Variants in LANCL1 observed in about 807,000 individuals in gnomAD.
The protein encoded by LANCL1 is LanC like glutathione S-transferase 1.
In LANCL1, 50 loss-of-function variants were observed where a neutral mutation model predicts 50.6. The observed-to-expected ratio is 0.99, with a 90% confidence interval of 0.79 to 1.25. LANCL1 has a LOEUF of 1.25. Ranked by LOEUF, LANCL1 falls within the 50% of genes most tolerant of loss-of-function variation. The probability of loss-of-function intolerance (pLI) is 0.00; values close to 1 mark genes in which losing one functional copy is unlikely to be tolerated. For synonymous variants in LANCL1, 188 were observed against 178.6 expected (o/e 1.05, Z -0.42); for missense variants, 532 against 480.7 (o/e 1.11, Z -1.00).
At chr2:210,437,195 T>C (rs1692962422) in intron 7 of LANCL1, among the ~76,000 whole-genome samples, 1 of 152,240 alleles carries the variant, frequency 6.6e-6, no homozygotes, top group South Asian at 2.1e-4. Context: ...TTTGTCCTTT[T>C]ATATCTATTT....
At chr2:210,459,489 A>C (rs184837268) in intron 3 of LANCL1, among the ~76,000 whole-genome samples, 1 of 152,310 alleles carries the variant, frequency 6.6e-6, no homozygotes, top group African/African-American at 2.4e-5. Context: ...AAGTTAATTA[A>C]AAGTAAACAC....
chr2:210,476,322 G>A lies in LANCL1; in HGVS notation c.75C>T (p.Ala25=), dbSNP rs1301374630. The A allele has an allele frequency of 1.2e-6, 2 of 1,612,608 alleles. No individual in the cohort carries two copies. Among genetic ancestry groups the A allele is most frequent in the South Asian group, 2.2e-5 (2 of 91,036 alleles). Residue 25 remains alanine (A), a synonymous_variant, in exon 2 of 10, where the codon GCC becomes GCT. Coordinates refer to ENST00000450366, the MANE Select transcript of LANCL1 (RefSeq NM_006055.3). ...AGACATATCCTAAACTCACCCTCCC[G>A]GCAGCATCAAAGTAGCCTTCGGCCA... The part of the protein sequence containing the change: ...KSLAEGYFDA[A]GRLTPEFSQR...
At position 210,432,912 on chromosome 2, in the gene LANCL1, C is replaced by T. The variant is rs1192001414; in HGVS notation, c.*1575G>A. 4 of 152,590 alleles carry T rather than the reference C, an allele frequency of 2.6e-5. No homozygotes were observed. The highest frequency in any genetic ancestry group is 4.4e-5 in the Non-Finnish European group (3 of 68,038). 9.5% of individuals were successfully genotyped at this position (152,590 alleles called of 1,614,324 possible). On this transcript the variant is annotated 3_prime_UTR_variant, in exon 10 of 10. Transcript: ENST00000450366. ...CTGATCCTGGAAACTGAGCAGTGGGCTGCTTTTTAAATCCTACTGCCAGTG... is the reference window on the plus strand; with the variant it reads ...CTGATCCTGGAAACTGAGCAGTGGGTTGCTTTTTAAATCCTACTGCCAGTG...
intron 6 of LANCL1, among the ~76,000 whole-genome samples, chr2:210,440,122 A>G (rs969618591): frequency 1.3e-5 from 2 of 152,224 alleles, no homozygotes; most frequent in Non-Finnish European, 2.9e-5. Context: ...GCTGTTTTTC[A>G]GGTAAGTAGA....
At chr2:210,453,773 T>A (rs1693578690) in intron 4 of LANCL1, among the ~76,000 whole-genome samples, 1 of 152,080 alleles carries the variant, frequency 6.6e-6, no homozygotes, top group Non-Finnish European at 1.5e-5. Flanking sequence ...TTTAGGTGAG[T>A]ATGGAACAGT....
rs775329416 is a variant in LANCL1, at chr2:210,441,480, G to A, written c.408-37C>T. ...AATACATGCCCCAAATAATTTGAAA[G>A]GAACCAGGTATTGGTGTATACTTAA... On this transcript the variant is annotated intron_variant, in intron 4 of 9. Transcript: ENST00000450366. 16 of 1,572,936 alleles carry A rather than the reference G, an allele frequency of 1.0e-5. No homozygotes were observed. The South Asian group carries it at 1.4e-4, about 14-fold the overall frequency.
chr2:210,445,302 T>C (rs979268340), intron 4 of LANCL1, among the ~76,000 whole-genome samples: 6 of 152,220 alleles, frequency 3.9e-5, no homozygotes, highest in African/African-American at 9.6e-5. Context: ...TGTTAGGACA[T>C]ACATTACCAC....
At chr2:210,438,042 T>C (rs1339239869) in intron 6 of LANCL1, among the ~76,000 whole-genome samples, 170 bp from the exon 7 acceptor site, 5 of 152,194 alleles carry the variant, frequency 3.3e-5, no homozygotes, top group Non-Finnish European at 5.9e-5. Context: ...TTTAAGCTTT[T>C]GTGATTTCAT....
chr2:210,451,366 T>C (rs1324978069), intron 4 of LANCL1, among the ~76,000 whole-genome samples: 1 of 152,068 alleles, frequency 6.6e-6, no homozygotes, highest in Non-Finnish European at 1.5e-5. Flanking sequence ...GATAAATACT[T>C]AATGTAGATG....
chr2:210,477,294 C>A (rs1264835058), upstream of LANCL1, among the ~76,000 whole-genome samples: 1 of 152,164 alleles, frequency 6.6e-6, no homozygotes, highest in Non-Finnish European at 1.5e-5. Flanking sequence ...GAAATTTATT[C>A]TGTTCCTTAG....
At chr2:210,440,341 T>TG (rs1693088098) in intron 6 of LANCL1, among the ~76,000 whole-genome samples, 1 of 152,232 alleles carries the variant, frequency 6.6e-6, no homozygotes, top group Non-Finnish European at 1.5e-5. Flanking sequence ...TCTGCACAAG[T>TG]GGCACTAAGT....
At chr2:210,470,066 C>T (rs564460754) in intron 3 of LANCL1, among the ~76,000 whole-genome samples, 1 of 151,532 alleles carries the variant, frequency 6.6e-6, no homozygotes, top group Non-Finnish European at 1.5e-5. Context: ...TACAATGTGG[C>T]AATCAAGAGG....
At chr2:210,455,954 C>T (rs1231734305) in intron 3 of LANCL1, among the ~76,000 whole-genome samples, 2 of 151,974 alleles carry the variant, frequency 1.3e-5, no homozygotes, top group Non-Finnish European at 2.9e-5. Flanking sequence ...CGAGGGCCCA[C>T]CTACTTTGGT....
intron 7 of LANCL1, 74 bp from the exon 8 acceptor site, chr2:210,436,466 T>G: frequency 7.1e-7 from 1 of 1,399,650 alleles, no homozygotes; most frequent in East Asian, 2.3e-5. Flanking sequence ...TCCTGATAGA[T>G]AAGAAGGAAA....
intron 3 of LANCL1, among the ~76,000 whole-genome samples, chr2:210,463,608 ACATT>A (rs886092936): frequency 5.8e-4 from 88 of 152,312 alleles, no homozygotes; most frequent in African/African-American, 2.0e-3. Flanking sequence ...TTGGGAACCA[ACATT>A]CAGTCAATCT....
chr2:210,434,547 T>C lies in LANCL1; in HGVS notation c.1140A>G (p.Ile380Met), dbSNP rs369903926. The part of the protein sequence containing the change: ...FSLFEGMAGT[I>M]YFLADLLVPT... ...GGACTAGCAGGTCAGCCAGGAAATA[T>C]ATTGTTCCAGCCATTCCTGAAGAAA... The change falls in exon 10 of 10, where the codon ATA becomes ATG. Residue 380 changes from isoleucine to methionine, a missense_variant. Transcript: ENST00000450366. 8 of 1,613,482 alleles carry C rather than the reference T, an allele frequency of 5.0e-6. No individual in the cohort carries two copies. The highest frequency in any genetic ancestry group is 2.2e-5 in the East Asian group (1 of 44,862).
chr2:210,435,342 T>G (rs764177570), intron 9 of LANCL1, 45 bp downstream of exon 9: 3 of 1,429,134 alleles, frequency 2.1e-6, no homozygotes. Context: ...AGCAGAGAAG[T>G]AGATGCTGAT....
At chr2:210,436,459 TGATA>T (rs1288523269) in intron 7 of LANCL1, 67 bp from the exon 8 acceptor site, 15 of 1,451,702 alleles carry the variant, frequency 1.0e-5, no homozygotes, top group Middle Eastern at 3.5e-4. Flanking sequence ...TATTCCTTCC[TGATA>T]GATAAGAAGG....
At chr2:210,471,421 C>T (rs1274673300) in intron 3 of LANCL1, 1 of 362,886 alleles carries the variant, frequency 2.8e-6, no homozygotes, top group Non-Finnish European at 5.4e-6. Context: ...TCCAGCCTCT[C>T]AATGATTGAG....
Sources: gnomAD v4.1 joint callset for allele counts (sites outside exome capture counted in the v4.1 genomes callset) on GRCh38, gnomAD v4.1.1 for gene constraint, MANE v1.5 for transcripts, NCBI Gene and HGNC (gene_info 2026-07-23, HGNC 2026-07-21) for gene names.